The following TRPM2 variants were observed in gnomAD, a reference collection of about 807,000 sequenced individuals.
The protein encoded by TRPM2 is transient receptor potential cation channel subfamily M member 2.
A neutral mutation model predicts 174.0 loss-of-function variants in TRPM2; 161 were observed. The ratio of observed to expected loss-of-function variants is 0.93; its 90% confidence interval spans 0.81 to 1.05. TRPM2 has a LOEUF of 1.05. Ranked by LOEUF, TRPM2 falls within the 50% of genes least tolerant of loss-of-function variation. The pLI, the probability that TRPM2 is intolerant of heterozygous loss-of-function variation, is 0.00. For synonymous variants in TRPM2, 954 were observed against 861.3 expected (o/e 1.11, Z -1.88); for missense variants, 2,057 against 2,038.0 (o/e 1.01, Z -0.18).
intron 2 of TRPM2, among the ~76,000 whole-genome samples, chr21:44,355,330 G>T (rs1310847270): frequency 6.6e-6 from 1 of 152,236 alleles, no homozygotes; most frequent in Non-Finnish European, 1.5e-5. Flanking sequence ...CCCCGCAGTT[G>T]GCGCCCCTTT....
At chr21:44,430,297 T>C (rs2050976086) in intron 27 of TRPM2, among the ~76,000 whole-genome samples, 1 of 152,196 alleles carries the variant, frequency 6.6e-6, no homozygotes, top group African/African-American at 2.4e-5. Flanking sequence ...TTCCTTCTTT[T>C]CTCTTCTTTA....
intron 27 of TRPM2, among the ~76,000 whole-genome samples, chr21:44,429,063 A>G (rs1009530640): frequency 3.3e-5 from 5 of 152,340 alleles, no homozygotes; most frequent in Admixed American, 1.3e-4. Context: ...TAAGAATTGT[A>G]TTAAATTTAT....
intron 2 of TRPM2, among the ~76,000 whole-genome samples, chr21:44,356,884 A>G (rs2048077901): frequency 6.6e-6 from 1 of 152,184 alleles, no homozygotes; most frequent in Non-Finnish European, 1.5e-5. Flanking sequence ...TGATGTTGCC[A>G]TGGCATCTGC....
At chr21:44,358,048 T>C (rs28709583) in intron 2 of TRPM2, among the ~76,000 whole-genome samples, 38,060 of 151,940 alleles carry the variant, frequency 0.25, 5,222 homozygotes, top group African/African-American at 0.38. Flanking sequence ...GATTTATTTA[T>C]ACCACTTACA....
intron 2 of TRPM2, among the ~76,000 whole-genome samples, chr21:44,360,510 AG>A (rs2048180036): frequency 6.6e-6 from 1 of 151,910 alleles, no homozygotes; most frequent in Admixed American, 6.5e-5. Flanking sequence ...GCATAACTGT[AG>A]TACAGTACCC....
In TRPM2 at chr21:44,379,110, C is replaced by T. The variant is rs141548796; in HGVS notation, c.1128C>T (p.Ile376=). 235 of 1,613,608 alleles carry T rather than the reference C, an allele frequency of 1.5e-4. 1 individual carries two copies. In the African/African-American group the frequency reaches 3.0e-3, roughly 20 times the overall value. The change falls in exon 8 of 32, where the codon ATC becomes ATT. Residue 376 remains isoleucine, a synonymous_variant. Coordinates refer to ENST00000397928, the MANE Select transcript of TRPM2 (RefSeq NM_003307.4). ...VANLPVSDIT[I]SLIQQKLSVF... ...ACCTGCCTGTCTCGGACATCACTAT[C>T]TCCCTGATCCAGCAGAAACTGAGCG...
intron 15 of TRPM2, 82 bp from the exon 16 acceptor site, chr21:44,401,599 G>A: frequency 1.4e-6 from 2 of 1,435,120 alleles, no homozygotes; most frequent in African/African-American, 2.8e-5. Flanking sequence ...GGGCACGGGG[G>A]ATCACGGGGT....
At chr21:44,406,567 G>A in intron 18 of TRPM2, 27 bp from the exon 19 acceptor site, 1 of 1,595,886 alleles carries the variant, frequency 6.3e-7, no homozygotes, top group South Asian at 1.1e-5. Flanking sequence ...CCAGGAGAGT[G>A]TAGCCCACAC....
At chr21:44,400,051 G>A (rs2049563152) in intron 14 of TRPM2, among the ~76,000 whole-genome samples, 1 of 152,224 alleles carries the variant, frequency 6.6e-6, no homozygotes, top group Admixed American at 6.5e-5. Context: ...AGCCAGCAGA[G>A]ATGGGGTCCC....
In TRPM2 at chr21:44,369,212, G is replaced by T. The variant is rs765214450; in HGVS notation, c.640G>T (p.Val214Phe). The T allele has an allele frequency of 1.9e-6, 3 of 1,613,148 alleles. No individual in the cohort carries two copies. The South Asian group carries it at 3.3e-5, about 18-fold the overall frequency. Residue 214 changes from valine (V) to phenylalanine (F), a missense_variant, in exon 5 of 32, where the codon GTC becomes TTC. Physicochemically the swap from Val to Phe is conservative, Grantham distance 50. Transcript: ENST00000397928. ...WIITGGSHTGVMKQVGEAVRD... is the reference protein window; with the variant it reads ...WIITGGSHTGFMKQVGEAVRD... ...CATCACAGGGGGGTCCCACACCGGC[G>T]TCATGAAGCAGGTAGGCGAGGCGGT...
At chr21:44,370,371 G>C (rs1227537357) in intron 5 of TRPM2, among the ~76,000 whole-genome samples, 1 of 152,206 alleles carries the variant, frequency 6.6e-6, no homozygotes, top group Non-Finnish European at 1.5e-5. Context: ...GGTTGAGGAC[G>C]GAGCACTCCT....
At chr21:44,406,507 C>T (rs1759218108) in intron 18 of TRPM2, 87 bp from the exon 19 acceptor site, 2 of 1,438,534 alleles carry the variant, frequency 1.4e-6, no homozygotes, top group South Asian at 1.3e-5. Context: ...AGTGGCAGTG[C>T]TGTCTCCACC....
At chr21:44,381,416 T>G in intron 8 of TRPM2, among the ~76,000 whole-genome samples, 1 of 138,498 alleles carries the variant, frequency 7.2e-6, no homozygotes, top group African/African-American at 2.8e-5. Flanking sequence ...GGGTGGGTGG[T>G]AGATAGATGG....
intron 2 of TRPM2, among the ~76,000 whole-genome samples, chr21:44,363,153 C>T (rs939887978): frequency 2.0e-5 from 3 of 152,168 alleles, no homozygotes; most frequent in African/African-American, 7.2e-5. Flanking sequence ...TGGATTTATC[C>T]TGTCTGGTGT....
chr21:44,377,061 G>A (rs945587639), intron 6 of TRPM2, among the ~76,000 whole-genome samples: 2 of 152,168 alleles, frequency 1.3e-5, no homozygotes, highest in African/African-American at 2.4e-5. Context: ...TGGTGAGGGC[G>A]ATGCTGCAGT....
At chr21:44,382,870 C>G in intron 9 of TRPM2, 50 bp downstream of exon 9, 1 of 1,507,626 alleles carries the variant, frequency 6.6e-7, no homozygotes, top group Non-Finnish European at 9.1e-7. Flanking sequence ...AGAACGTGAG[C>G]TCTGAGGACG....
In TRPM2 at chr21:44,399,882, G is replaced by A. The variant is rs1618264; in HGVS notation, c.2209-377G>A. Among the ~76,000 whole-genome samples the A allele has an allele frequency of 0.71, 108,651 of 152,090 alleles. 39,182 individuals are homozygous for A. The highest frequency in any genetic ancestry group is 0.77 in the East Asian group (3,967 of 5,146). On this transcript the variant is annotated intron_variant, in intron 14 of 31. Coordinates refer to ENST00000397928, the MANE Select transcript of TRPM2 (RefSeq NM_003307.4). This position sits in a 1 kb window ranked among gnomAD's most constrained non-coding sequence, Gnocchi z 4.6. The stretch of plus-strand genomic sequence containing the variant: ...GGCTCCCAGCGAGTGCCCCTTGCAC[G>A]CTGGGCTTCCTTGGAGCGCCGAGCT...
Position 44,402,286 on chromosome 21 carries a change from G to A in TRPM2, c.2538+389G>A, listed in dbSNP as rs1351555808. ...AGCCAGAAGGACCCACAGACGCTGG[G>A]GAGTGGCAATGCTCACTTATGGTTT... On this transcript the variant is annotated intron_variant, in intron 16 of 31. Coordinates refer to ENST00000397928, the MANE Select transcript of TRPM2 (RefSeq NM_003307.4). Among the ~76,000 whole-genome samples, 4 of 152,138 alleles carry A rather than the reference G, an allele frequency of 2.6e-5. No homozygotes were observed. In the East Asian group the frequency reaches 7.7e-4, roughly 29 times the overall value.
chr21:44,436,730 G>T (rs1358382141), intron 28 of TRPM2, among the ~76,000 whole-genome samples: 1 of 151,574 alleles, frequency 6.6e-6, no homozygotes, highest in African/African-American at 2.4e-5. Flanking sequence ...CACCTCACTG[G>T]ATTCCCACTG....
Sources: allele counts gnomAD v4.1 joint callset (sites outside exome capture counted in the v4.1 genomes callset), GRCh38; gene constraint gnomAD v4.1.1; non-coding constraint Gnocchi (gnomAD v3.1); transcripts MANE v1.5; gene names NCBI Gene and HGNC (gene_info 2026-07-23, HGNC 2026-07-21).